PRDM5: variants seen among roughly 807,000 people sequenced by gnomAD.
The protein encoded by PRDM5 is PR domain zinc finger protein 5.
Under a neutral mutation model 81.2 loss-of-function variants are expected in PRDM5, and 56 were observed. The observed-to-expected ratio is 0.69, with a 90% CI of 0.56 to 0.86. The LOEUF is 0.86. PRDM5 is among the 40% of genes least tolerant of loss of function. PRDM5 has a pLI of 0.00. For synonymous variants in PRDM5, 267 were observed against 256.4 expected, an observed-to-expected ratio of 1.04 and a Z score of -0.39; for missense variants, 697 against 770.1, an observed-to-expected ratio of 0.91 and a Z score of 1.12.
intron 3 of PRDM5, among the ~76,000 whole-genome samples, chr4:120,827,802 G>C (rs1280597288): frequency 6.6e-6 from 1 of 152,036 alleles, no homozygotes; most frequent in Non-Finnish European, 1.5e-5. Context: ...GGTAGGCTTT[G>C]GAACCCGATT....
At chr4:120,857,382 G>GAAAT (rs1181728863) in intron 2 of PRDM5, among the ~76,000 whole-genome samples, 33 of 152,158 alleles carry the variant, frequency 2.2e-4, no homozygotes, top group African/African-American at 7.9e-4. Flanking sequence ...AATAAAGTAG[G>GAAAT]AAAGGGAAAG....
intron 2 of PRDM5, among the ~76,000 whole-genome samples, chr4:120,883,329 T>C (rs1012741266): frequency 2.6e-5 from 4 of 152,156 alleles, no homozygotes; most frequent in Non-Finnish European, 1.5e-5. Context: ...AGTATACAAT[T>C]AGAAATCTAA....
chr4:120,797,182 G>C (rs1751457792), intron 10 of PRDM5, among the ~76,000 whole-genome samples: 1 of 152,154 alleles, frequency 6.6e-6, no homozygotes, highest in African/African-American at 2.4e-5. Context: ...CAGAAGGCAG[G>C]CAAATATTTA....
In PRDM5 at chr4:120,781,128, A is replaced by G. The variant is rs767406720; in HGVS notation, c.1443+15T>C. ...ACACGTAATCTGTTCAAACTAACAGAAGACTTCCACTTACTTTCTTATGAC... is the reference window on the plus strand; with the variant it reads ...ACACGTAATCTGTTCAAACTAACAGGAGACTTCCACTTACTTTCTTATGAC... On this transcript the variant is annotated intron_variant, in intron 12 of 15. Transcript: ENST00000264808. 1.9e-6 allele frequency: 3 copies of G among 1,608,952 alleles called. No individual in the cohort carries two copies. Among genetic ancestry groups the G allele is most frequent in the Non-Finnish European group, 2.6e-6 (3 of 1,175,726 alleles).
intron 5 of PRDM5, among the ~76,000 whole-genome samples, chr4:120,817,477 G>A (rs926282596): frequency 3.3e-5 from 5 of 152,030 alleles, no homozygotes; most frequent in Admixed American, 3.3e-4. Context: ...AGAAGCTAAG[G>A]TTGGAGAAAG....
rs139219759 is a variant in PRDM5, at chr4:120,868,065, ACT to A, written c.178-14527_178-14526del. Among the ~76,000 whole-genome samples the A allele has an allele frequency of 6.7e-3, 1,022 of 152,218 alleles. 63 individuals are homozygous for A. The East Asian group carries it at 0.16, about 24-fold the overall frequency. On this transcript the variant is annotated intron_variant, in intron 2 of 15. Transcript: ENST00000264808. Reference sequence around the variant, plus strand: ...TACTTTCATTAACAGTTTCTTACTGACTCTAACATCTACTGCTTTATTCACAT... The same window carrying A: ...TACTTTCATTAACAGTTTCTTACTGACTAACATCTACTGCTTTATTCACAT...
intron 4 of PRDM5, 109 bp downstream of exon 4, chr4:120,821,062 T>C: frequency 7.8e-7 from 1 of 1,282,164 alleles, no homozygotes; most frequent in Admixed American, 1.7e-5. Context: ...AAAAACTAAC[T>C]TTATTTGAGA....
chr4:120,859,524 C>T (rs1760321256), intron 2 of PRDM5, among the ~76,000 whole-genome samples: 2 of 152,138 alleles, frequency 1.3e-5, no homozygotes, highest in Admixed American at 1.3e-4. Context: ...CACACCCAGC[C>T]ATGTCAGCTT....
intron 14 of PRDM5, among the ~76,000 whole-genome samples, chr4:120,748,932 G>A (rs1041238319): frequency 2.0e-5 from 3 of 152,056 alleles, no homozygotes; most frequent in Non-Finnish European, 4.4e-5. Flanking sequence ...TGACTGAATG[G>A]GGGAGCTAAC....
At chr4:120,896,258 T>A (rs993913915) in intron 2 of PRDM5, 4 of 151,708 alleles carry the variant, frequency 2.6e-5, no homozygotes, top group African/African-American at 4.8e-5. Context: ...GATCATTTAA[T>A]CAAGTCCTTC....
chr4:120,776,819 G>T (rs1748220756), intron 13 of PRDM5, among the ~76,000 whole-genome samples: 2 of 152,064 alleles, frequency 1.3e-5, no homozygotes. Flanking sequence ...AGGTAAAAAG[G>T]CCACATTTGA....
chr4:120,865,072 A>T (rs965345680), intron 2 of PRDM5, among the ~76,000 whole-genome samples: 3 of 152,222 alleles, frequency 2.0e-5, no homozygotes, highest in Non-Finnish European at 4.4e-5. Context: ...CATTTTCTAC[A>T]AAGAAAACCA....
chr4:120,729,096 A>C (rs971388443), intron 14 of PRDM5, among the ~76,000 whole-genome samples: 1 of 152,190 alleles, frequency 6.6e-6, no homozygotes, highest in Non-Finnish European at 1.5e-5. Flanking sequence ...CTCAAGCAGG[A>C]AGTGAAGAAA....
intron 13 of PRDM5, among the ~76,000 whole-genome samples, chr4:120,768,366 G>C (rs1561156473): frequency 6.6e-6 from 1 of 152,102 alleles, no homozygotes. Flanking sequence ...AATGGTCCTA[G>C]AAATGGCTGA....
At chr4:120,894,476 C>T (rs1032569251) in intron 2 of PRDM5, among the ~76,000 whole-genome samples, 7 of 152,086 alleles carry the variant, frequency 4.6e-5, no homozygotes, top group South Asian at 4.1e-4. Context: ...TTTCTTCTGG[C>T]GCAAGTCAGC....
At chr4:120,895,695 G>C (rs956561906) in intron 2 of PRDM5, 4 of 152,012 alleles carry the variant, frequency 2.6e-5, no homozygotes, top group African/African-American at 7.3e-5. Context: ...TTTTTGTTTT[G>C]TTTCATTTTG....
intron 14 of PRDM5, among the ~76,000 whole-genome samples, chr4:120,711,888 G>T (rs1737043403): frequency 6.6e-6 from 1 of 152,060 alleles, no homozygotes; most frequent in Non-Finnish European, 1.5e-5. Flanking sequence ...CCAACAGCTT[G>T]CAAGTTACTA....
At chr4:120,689,881 C>G (rs1323271156), downstream of PRDM5, among the ~76,000 whole-genome samples, 2 of 152,108 alleles carry the variant, frequency 1.3e-5, no homozygotes, top group Admixed American at 1.3e-4. Flanking sequence ...TCCCAAAGTG[C>G]TGGGAATACA....
At chr4:120,867,545 T>C (rs913782192) in intron 2 of PRDM5, among the ~76,000 whole-genome samples, 1 of 152,148 alleles carries the variant, frequency 6.6e-6, no homozygotes, top group African/African-American at 2.4e-5. Flanking sequence ...CTATTGACCA[T>C]AAATATTTTT....
Sources: allele counts gnomAD v4.1 joint callset (sites outside exome capture counted in the v4.1 genomes callset), GRCh38; gene constraint gnomAD v4.1.1; transcripts MANE v1.5; gene names NCBI Gene and HGNC (gene_info 2026-07-23, HGNC 2026-07-21).